The following APOB variants were observed in gnomAD, a reference collection of about 807,000 sequenced individuals.
The protein encoded by APOB is apolipoprotein B, also known as apolipoprotein B-100.
A neutral mutation model predicts 314.1 loss-of-function variants in APOB; 153 were observed. The ratio of observed to expected loss-of-function variants is 0.49; its 90% CI spans 0.43 to 0.56. The LOEUF (loss-of-function observed/expected upper bound fraction) is 0.56. Ranked by LOEUF, APOB falls within the 20% of genes least tolerant of loss-of-function variation. The pLI is 0.00. For missense variants in APOB, 5,430 were observed against 5,350.7 expected, an observed-to-expected ratio of 1.01 and a Z score of -0.46; for synonymous variants, 2,087 against 2,036.4, an observed-to-expected ratio of 1.02 and a Z score of -0.67.
rs1249838546 is a variant in APOB at position 21,010,104 on chromosome 2, T to G, written c.6764A>C (p.Lys2255Thr). 3.4e-5 allele frequency: 55 copies of G among 1,612,768 alleles called. No individual in the cohort carries two copies. Among genetic ancestry groups the G allele is most frequent in the Non-Finnish European group, 4.6e-5 (54 of 1,179,556 alleles). The part of the protein sequence containing the change: ...TASWIQNVDT[K>T]YQIRIQIQEK... ...TTGTATCTGGATTCTGATTTGGTAC[T>G]TAGTATCCACATTTTGAATCCAGGA... Residue 2255 changes from lysine to threonine, a missense_variant, in exon 26 of 29, where the codon AAG (lysine) becomes ACG (threonine). This residue lies in a region of APOB where 3,281 missense variants were observed against 3,171.0 expected (regional missense o/e 1.03). Transcript: ENST00000233242.
In APOB at chr2:21,011,163, G is replaced by A. The variant is rs368848646; in HGVS notation, c.5705C>T (p.Pro1902Leu). Residue 1902 changes from proline to leucine, a missense_variant, in exon 26 of 29, where the codon CCG becomes CTG. This residue lies in a region of APOB where 3,281 missense variants were observed against 3,171.0 expected (regional missense o/e 1.03). Coordinates refer to ENST00000233242, the MANE Select transcript of APOB (RefSeq NM_000384.3). Reference sequence around the variant, plus strand: ...ATGTGCATCGATGGTCATGGTAAACGGGGCCATTACAGAACGGAAGACATT... The same window carrying A: ...ATGTGCATCGATGGTCATGGTAAACAGGGCCATTACAGAACGGAAGACATT... ...FSNVFRSVMA[P>L]FTMTIDAHTN... 12 of 1,614,056 alleles carry A rather than the reference G, an allele frequency of 7.4e-6. No homozygotes were observed. The Admixed American group carries it at 1.2e-4, about 16-fold the overall frequency.
At chr2:21,034,936 G>C (rs548604456) in intron 7 of APOB, 35 bp from the exon 8 acceptor site, 1 of 1,016,788 alleles carries the variant, frequency 9.8e-7, no homozygotes, top group East Asian at 2.4e-5. Context: ...GTCACGGATG[G>C]CCAGAACATA....
intron 6 of APOB, among the ~76,000 whole-genome samples, chr2:21,036,008 C>G (rs1663994109): frequency 6.6e-6 from 1 of 152,162 alleles, no homozygotes; most frequent in African/African-American, 2.4e-5. Context: ...TTTTCTTTGC[C>G]CAAAAGCCCA....
Position 21,043,415 on chromosome 2 carries a change from C to T in APOB, c.121+98G>A, listed in dbSNP as rs13306201. The T allele has an allele frequency of 9.9e-5, 138 of 1,394,390 alleles. No homozygotes were observed. In the East Asian group the frequency reaches 3.2e-3, roughly 32 times the overall value. 86.4% of individuals were successfully genotyped at this position (1,394,390 alleles called of 1,614,324 possible). A position where few individuals can be genotyped will look rare whatever the true frequency, so the allele number is the denominator to read the frequency against. On this transcript the variant is annotated intron_variant, in intron 2 of 28. Transcript: ENST00000233242. ...GTCAGAGCAAGGCACACCACGATGC[C>T]ATCTCAGCCCTGTAGAGTGGGAGGC...
intron 13 of APOB, 74 bp downstream of exon 13, chr2:21,028,253 C>G (rs1558572289): frequency 7.4e-7 from 1 of 1,351,898 alleles, no homozygotes; most frequent in East Asian, 2.3e-5. Flanking sequence ...CAGACAGTGG[C>G]TATGCCAAAA....
At chr2:21,016,842 GGC>G (rs1663481844) in intron 20 of APOB, among the ~76,000 whole-genome samples, 193 bp from the exon 21 acceptor site, 5 of 151,930 alleles carry the variant, frequency 3.3e-5, no homozygotes, top group Admixed American at 2.6e-4. Flanking sequence ...AAATTAGCCG[GGC>G]GCGTTGGTGG....
chr2:21,011,191 T>A lies in APOB; in HGVS notation c.5677A>T (p.Ser1893Cys). ...TNYNSDSLHF[S>C]NVFRSVMAPF... The stretch of plus-strand genomic sequence containing the variant: ...GCCATTACAGAACGGAAGACATTGC[T>A]GAAATGCAGTGAGTCTGAATTATAG... Residue 1893 changes from serine to cysteine, a missense_variant, in exon 26 of 29, where the codon AGC becomes TGC. Ser to Cys is a moderately radical substitution (Grantham distance 112, BLOSUM62 -1). Coordinates refer to ENST00000233242, the MANE Select transcript of APOB (RefSeq NM_000384.3). 1.2e-6 allele frequency: 2 copies of A among 1,614,180 alleles called. No individual in the cohort carries two copies. The highest frequency in any genetic ancestry group is 1.7e-6 in the Non-Finnish European group (2 of 1,180,026).
In APOB at chr2:21,023,604, G is replaced by A. The variant is rs745567492; in HGVS notation, c.2525C>T (p.Ala842Val). 5.6e-6 allele frequency: 9 copies of A among 1,614,142 alleles called. No homozygotes were observed. Among genetic ancestry groups the A allele is most frequent in the Non-Finnish European group, 7.6e-6 (9 of 1,180,004 alleles). Residue 842 changes from alanine to valine, a missense_variant, in exon 17 of 29, where the codon GCT becomes GTT. Ala to Val is a moderately conservative substitution (Grantham distance 64). This residue lies in a region of APOB where 2,085 missense variants were observed against 2,079.7 expected (regional missense o/e 1.00). Coordinates refer to ENST00000233242, the MANE Select transcript of APOB (RefSeq NM_000384.3). ...TGAAGATATTTGCAACTGTAATCCA[G>A]CTCCAGTGGGGAGTTCAAAGGCATT... ...MENAFELPTGAGLQLQISSSG... is the reference protein window; with the variant it reads ...MENAFELPTGVGLQLQISSSG...
chr2:21,012,362 GC>G lies in APOB; in HGVS notation c.4505del (p.Gly1502AlafsTer19). ...VSSFYAKGTY[G>X]LSCQRDPNTG... ...TGTTAGGATCCCTCTGACAAGACAG[GC>G]CATATGTGCCTTTAGCATAGAACGA... On this transcript the variant is annotated frameshift_variant, in exon 26 of 29. Coordinates refer to ENST00000233242, the MANE Select transcript of APOB (RefSeq NM_000384.3). LOFTEE classifies it high-confidence loss of function. 1.9e-6 allele frequency: 3 copies of G among 1,614,164 alleles called. No individual in the cohort carries two copies. Among genetic ancestry groups the G allele is most frequent in the Non-Finnish European group, 2.5e-6 (3 of 1,180,040 alleles).
Position 21,004,369 on chromosome 2 carries a change from C to T in APOB, c.11987G>A (p.Gly3996Asp), listed in dbSNP as rs188592517. 59 of 1,613,924 alleles carry T rather than the reference C, an allele frequency of 3.7e-5. No individual in the cohort carries two copies. The highest frequency in any genetic ancestry group is 1.3e-4 in the Admixed American group (8 of 59,976). The change falls in exon 28 of 29, where the codon GGC becomes GAC. Residue 3996 changes from glycine (G) to aspartate (D), a missense_variant. Physicochemically the swap from Gly to Asp is moderately conservative, Grantham distance 94. This residue lies in a region of APOB where 3,281 missense variants were observed against 3,171.0 expected (regional missense o/e 1.03). Transcript: ENST00000233242. ...TGGGGAGGCTGCTGAGGTGGAGATG[C>T]CTTTCTTGTCTTTCTGGTAGCGCAG... is the stretch of plus-strand genomic sequence containing the variant. Reference protein sequence around the residue: ...LHLRYQKDKKGISTSAASPAV... With the variant: ...LHLRYQKDKKDISTSAASPAV...
Position 21,002,680 on chromosome 2 carries a change from C to T in APOB, c.12742G>A (p.Asp4248Asn), listed in dbSNP as rs1258687895. Residue 4248 changes from aspartate (D) to asparagine (N), a missense_variant, in exon 29 of 29, where the codon GAC becomes AAC. This residue lies in a region of APOB where 3,281 missense variants were observed against 3,171.0 expected (regional missense o/e 1.03). Coordinates refer to ENST00000233242, the MANE Select transcript of APOB (RefSeq NM_000384.3). ...GSEILFSYFQ[D>N]LVITLPFELR... is the part of the protein sequence containing the mutation. ...TCGAAAGGAAGTGTAATCACTAGGT[C>T]TTGGAAATAGGAAAACAGTATTTCT... 6.2e-7 allele frequency: 1 copy of T among 1,613,778 alleles called. No individual in the cohort carries two copies. The highest frequency in any genetic ancestry group is 8.5e-7 in the Non-Finnish European group (1 of 1,179,882).
chr2:21,029,036 C>T (rs912448445), intron 12 of APOB, among the ~76,000 whole-genome samples: 5 of 152,088 alleles, frequency 3.3e-5, no homozygotes, highest in South Asian at 2.1e-4. Flanking sequence ...GGTAGGTGGA[C>T]GGTAGGAAGC....
chr2:21,002,101 CA>C lies in APOB; in HGVS notation c.13320del (p.Glu4441SerfsTer36), dbSNP rs750076573. 34 of 1,613,940 alleles carry C rather than the reference CA, an allele frequency of 2.1e-5. No individual in the cohort carries two copies. The highest frequency in any genetic ancestry group is 2.7e-5 in the Non-Finnish European group (32 of 1,179,976). On this transcript the variant is annotated frameshift_variant, in exon 29 of 29. Transcript: ENST00000233242. LOFTEE classifies it low-confidence loss of function (END_TRUNC). ...SNFTSQLSSQ[V>X]EQFLHRNIQE... ...TGAATATTTCTGTGCAGAAATTGCT[CA>C]ACTTGACTTGAGAGTTGGGAAGTAA...
chr2:21,027,576 G>A (rs1227526254), intron 14 of APOB, among the ~76,000 whole-genome samples: 1 of 152,174 alleles, frequency 6.6e-6, no homozygotes, highest in African/African-American at 2.4e-5. Context: ...GCCTCCCAAA[G>A]TGCTGGGATT....
Position 21,007,030 on chromosome 2 carries a change from T to C in APOB, c.9838A>G (p.Met3280Val). The C allele has an allele frequency of 4.3e-6, 7 of 1,614,036 alleles. No individual in the cohort carries two copies. Among genetic ancestry groups the C allele is most frequent in the Non-Finnish European group, 5.9e-6 (7 of 1,179,960 alleles). The change falls in exon 26 of 29, where the codon ATG becomes GTG. Residue 3280 changes from methionine to valine, a missense_variant. Met to Val is a conservative substitution (Grantham distance 21). Transcript: ENST00000233242. Reference sequence around the variant, plus strand: ...GAACCTAGGATGGAGAAACTAGGCATGCTGACTGCTTTTGGGAACACATAG... The same window carrying C: ...GAACCTAGGATGGAGAAACTAGGCACGCTGACTGCTTTTGGGAACACATAG... ...FGYVFPKAVS[M>V]PSFSILGSDV...
In APOB at chr2:21,005,434, C is replaced by T. The variant is rs1270528648; in HGVS notation, c.11434G>A (p.Glu3812Lys). The change falls in exon 26 of 29, where the codon GAG (glutamate) becomes AAG (lysine). Residue 3812 changes from glutamate (E) to lysine (K), a missense_variant. Physicochemically the swap from Glu to Lys is moderately conservative, Grantham distance 56. Transcript: ENST00000233242. ...AACTGAGATTCAGGCACGGTTATCT[C>T]AAAAAAGGGAATCAAGGAGTCTTCT... ...QPEDSLIPFF[E>K]ITVPESQLTV... The T allele has an allele frequency of 1.9e-6, 3 of 1,613,784 alleles. No individual in the cohort carries two copies. Among genetic ancestry groups the T allele is most frequent in the Non-Finnish European group, 2.5e-6 (3 of 1,179,892 alleles).
rs754138752 is a variant in APOB, at chr2:21,003,068, C to G, written c.12354G>C (p.Gly4118=). Residue 4118 remains glycine, a synonymous_variant, in exon 29 of 29, where the codon GGG becomes GGC. Transcript: ENST00000233242. ...CGATATCATCAATTTGCCTAATGGC[C>G]CCTTGATAAACCCACTCAGCATTGT... ...LQNNAEWVYQ[G]AIRQIDDIDV... The G allele has an allele frequency of 2.5e-6, 4 of 1,575,578 alleles. No individual in the cohort carries two copies. The highest frequency in any genetic ancestry group is 3.4e-6 in the Non-Finnish European group (4 of 1,160,986).
At chr2:21,043,038 G>A (rs377744769) in intron 2 of APOB, among the ~76,000 whole-genome samples, 14 of 147,222 alleles carry the variant, frequency 9.5e-5, no homozygotes, top group East Asian at 4.0e-4. Flanking sequence ...GCCACTAGAT[G>A]GCGGTGCTGC....
At chr2:21,017,139 A>ATT (rs34607237) in intron 20 of APOB, among the ~76,000 whole-genome samples, 1 of 150,924 alleles carries the variant, frequency 6.6e-6, no homozygotes. Context: ...ATTTTACTGA[A>ATT]TTTTTTTTTT....
Sources: allele counts gnomAD v4.1 joint callset (sites outside exome capture counted in the v4.1 genomes callset), GRCh38; gene constraint gnomAD v4.1.1; regional missense constraint gnomAD v4.1.1; transcripts MANE v1.5; gene names NCBI Gene and HGNC (gene_info 2026-07-23, HGNC 2026-07-21).